The following CNTN4 variants were observed in gnomAD, a reference collection of about 807,000 sequenced individuals.
CNTN4 encodes contactin 4.
In CNTN4, 77 loss-of-function variants were observed where a neutral mutation model predicts 122.5. The ratio of observed to expected loss-of-function variants is 0.63; its 90% CI spans 0.52 to 0.76. CNTN4 has a LOEUF of 0.76. CNTN4 is among the 30% of genes least tolerant of loss of function. The probability of loss-of-function intolerance (pLI) is 0.00; values close to 1 mark genes in which losing one functional copy is unlikely to be tolerated. For synonymous variants in CNTN4, 512 were observed against 447.0 expected, an observed-to-expected ratio of 1.15 and a Z score of -1.83; for missense variants, 1,256 against 1,259.1, an observed-to-expected ratio of 1.00 and a Z score of 0.04.
intron 4 of CNTN4, among the ~76,000 whole-genome samples, chr3:2,650,589 T>C (rs770894353): frequency 9.2e-5 from 14 of 152,178 alleles, no homozygotes; most frequent in Non-Finnish European, 1.5e-4. Context: ...AACTTCAATG[T>C]TGTCTTATTT....
chr3:2,973,455 C>T (rs559600064), intron 13 of CNTN4, among the ~76,000 whole-genome samples: 11 of 151,952 alleles, frequency 7.2e-5, no homozygotes, highest in South Asian at 2.1e-4. Flanking sequence ...GAGAGTATTC[C>T]GAAGGCCTGA....
At chr3:2,204,477 C>T (rs898270818) in intron 2 of CNTN4, among the ~76,000 whole-genome samples, 1 of 152,098 alleles carries the variant, frequency 6.6e-6, no homozygotes, top group Admixed American at 6.6e-5. Context: ...TGAAGTTTTG[C>T]ACTTTTGTGT....
At chr3:2,179,537 A>C (rs904388454) in intron 2 of CNTN4, among the ~76,000 whole-genome samples, 2 of 151,998 alleles carry the variant, frequency 1.3e-5, no homozygotes, top group African/African-American at 4.8e-5. Context: ...TACACTATGA[A>C]TGTCATTGAG....
At chr3:2,815,349 G>T (rs146434345) in intron 6 of CNTN4, among the ~76,000 whole-genome samples, 311 of 152,128 alleles carry the variant, frequency 2.0e-3, no homozygotes, top group African/African-American at 6.7e-3. Flanking sequence ...ATCTGACAAA[G>T]GACTAATATC....
intron 4 of CNTN4, among the ~76,000 whole-genome samples, chr3:2,574,758 A>G (rs2079583896): frequency 6.6e-6 from 1 of 152,168 alleles, no homozygotes; most frequent in Non-Finnish European, 1.5e-5. Flanking sequence ...AATGTTAGTG[A>G]CTATGGAAAA....
intron 4 of CNTN4, among the ~76,000 whole-genome samples, chr3:2,603,419 G>A (rs1180922373): frequency 6.6e-6 from 1 of 152,156 alleles, no homozygotes; most frequent in Non-Finnish European, 1.5e-5. Context: ...GTATTTTTCT[G>A]TGGTGAGAGA....
chr3:2,996,394 G>A (rs187882226), intron 14 of CNTN4, among the ~76,000 whole-genome samples: 1 of 152,206 alleles, frequency 6.6e-6, no homozygotes, highest in East Asian at 1.9e-4. Context: ...TGTTTTTTCA[G>A]TTCTCTCTCA....
At chr3:2,103,123 A>G (rs1179945083) in intron 2 of CNTN4, among the ~76,000 whole-genome samples, 1 of 152,100 alleles carries the variant, frequency 6.6e-6, no homozygotes, top group East Asian at 1.9e-4. Flanking sequence ...ATAGCTAGTA[A>G]GTAGCAGAGC....
At chr3:2,585,701 A>AG (rs1297529458) in intron 4 of CNTN4, among the ~76,000 whole-genome samples, 3 of 108,158 alleles carry the variant, frequency 2.8e-5, no homozygotes, top group Non-Finnish European at 5.7e-5. Context: ...GGGTGGGGGG[A>AG]GGGGTAGGGA....
intron 4 of CNTN4, among the ~76,000 whole-genome samples, chr3:2,697,784 A>G (rs1375080604): frequency 6.6e-6 from 1 of 152,174 alleles, no homozygotes; most frequent in East Asian, 1.9e-4. Context: ...TCTGAATTGC[A>G]CAGGGCAGGC....
At chr3:2,415,096 A>G (rs1413336136) in intron 3 of CNTN4, among the ~76,000 whole-genome samples, 2 of 152,148 alleles carry the variant, frequency 1.3e-5, no homozygotes, top group East Asian at 1.9e-4. Context: ...TATTTTTTAT[A>G]CTGTGGATGA....
At position 2,251,979 on chromosome 3, in the gene CNTN4, T is replaced by A. The variant is rs928429352; in HGVS notation, c.-144-87199T>A. ...AGTGAGTACATCAAACTCAGTTTCA[T>A]TGATTTAATTTTATTTATTTTACTT... On this transcript the variant is annotated intron_variant, in intron 2 of 24. Transcript: ENST00000418658. Among the ~76,000 whole-genome samples, 8 of 152,106 alleles carry A rather than the reference T, an allele frequency of 5.3e-5. No individual in the cohort carries two copies. In the South Asian group the frequency reaches 1.5e-3, roughly 28 times the overall value.
chr3:2,398,544 G>GT (rs1209496822), intron 3 of CNTN4, among the ~76,000 whole-genome samples: 1 of 152,144 alleles, frequency 6.6e-6, no homozygotes, highest in African/African-American at 2.4e-5. Context: ...AAAAAGCTAT[G>GT]TAGAAGTAAG....
intron 4 of CNTN4, among the ~76,000 whole-genome samples, chr3:2,586,339 C>G (rs1314362643): frequency 6.6e-6 from 1 of 152,164 alleles, no homozygotes; most frequent in East Asian, 1.9e-4. Context: ...ATTGCCCAGG[C>G]TGGGGTAAAA....
chr3:2,793,708 G>A (rs569475314), intron 6 of CNTN4, among the ~76,000 whole-genome samples: 3 of 152,146 alleles, frequency 2.0e-5, no homozygotes, highest in East Asian at 3.9e-4. Flanking sequence ...TACCAGTATC[G>A]TATTACCTTA....
At chr3:2,910,094 T>G (rs140211557) in intron 12 of CNTN4, among the ~76,000 whole-genome samples, 1 of 152,150 alleles carries the variant, frequency 6.6e-6, no homozygotes, top group Non-Finnish European at 1.5e-5. Flanking sequence ...AGAGAGTGAA[T>G]AGGAATAAAG....
intron 13 of CNTN4, among the ~76,000 whole-genome samples, chr3:2,938,133 T>C (rs934912845): frequency 6.6e-6 from 1 of 152,200 alleles, no homozygotes; most frequent in Non-Finnish European, 1.5e-5. Flanking sequence ...TAAGTAGAAA[T>C]GAGACTTTGA....
intron 3 of CNTN4, among the ~76,000 whole-genome samples, chr3:2,459,844 C>T (rs2049137093): frequency 6.6e-6 from 1 of 152,174 alleles, no homozygotes. Flanking sequence ...GTATTACTTC[C>T]ATTTCTGAGC....
intron 24 of CNTN4, 88 bp downstream of exon 24, chr3:3,054,063 C>A: frequency 7.4e-7 from 1 of 1,358,344 alleles, no homozygotes; most frequent in Non-Finnish European, 1.0e-6. Flanking sequence ...GACATTCAGC[C>A]TGCAAAAGCA....
Sources: gnomAD v4.1 joint callset for allele counts (sites outside exome capture counted in the v4.1 genomes callset) on GRCh38, gnomAD v4.1.1 for gene constraint, MANE v1.5 for transcripts, NCBI Gene and HGNC (gene_info 2026-07-23, HGNC 2026-07-21) for gene names.